COL5A2: variants seen among roughly 807,000 people sequenced by gnomAD.
The protein encoded by COL5A2 is collagen type V alpha 2 chain.
COL5A2 carries 23 observed loss-of-function variants against 208.2 expected under a neutral mutation model. That is an observed-to-expected ratio of 0.11 (90% confidence interval 0.08 to 0.16). The LOEUF is 0.16. Ranked by LOEUF, COL5A2 falls within the 10% of genes least tolerant of loss-of-function variation. The probability of loss-of-function intolerance (pLI) is 1.00; values close to 1 mark genes in which losing one functional copy is unlikely to be tolerated. For missense variants in COL5A2, 1,590 were observed against 1,956.4 expected (o/e 0.81, Z 3.53); for synonymous variants, 625 against 628.5 (o/e 0.99, Z 0.08).
intron 1 of COL5A2, among the ~76,000 whole-genome samples, chr2:189,191,163 C>CCAAAAAAAAAAAAAAAAAAAAA (rs748055610): frequency 2.8e-5 from 2 of 72,322 alleles, no homozygotes; most frequent in African/African-American, 8.4e-5. Flanking sequence ...AAAAAACAAA[C>CCAAAAAAAAAAAAAAAAAAAAA]AAACAACAAA....
At chr2:189,117,662 C>A (rs1687419459) in intron 1 of COL5A2, among the ~76,000 whole-genome samples, 1 of 152,076 alleles carries the variant, frequency 6.6e-6, no homozygotes, top group East Asian at 1.9e-4. Flanking sequence ...CTCTGGTCAC[C>A]TTACCAAAAA....
chr2:189,301,643 C>T, the COL5A2 span, among the ~76,000 whole-genome samples: 337 of 152,180 alleles, frequency 2.2e-3, 1 homozygote, highest in African/African-American at 7.4e-3. Context: ...TCTGGTTTTA[C>T]GGCATGAGTT....
At chr2:189,416,957 T>G in the COL5A2 span, among the ~76,000 whole-genome samples, 38 of 152,188 alleles carry the variant, frequency 2.5e-4, no homozygotes, top group Admixed American at 6.5e-5. Context: ...CTTAAACATT[T>G]TTTTTCTAAA....
the COL5A2 span, among the ~76,000 whole-genome samples, chr2:189,279,480 T>C: frequency 6.7e-6 from 1 of 149,638 alleles, no homozygotes; most frequent in East Asian, 2.0e-4. Context: ...TTGATATAGA[T>C]ATATACACAA....
At chr2:189,057,498 G>A in intron 33 of COL5A2, 71 bp from the exon 34 acceptor site, 1 of 1,135,656 alleles carries the variant, frequency 8.8e-7, no homozygotes, top group East Asian at 2.4e-5. Context: ...GCTTTTTAGT[G>A]GGTCAAAAGT....
rs777869389 is a variant in COL5A2 at position 189,034,070 on chromosome 2, T to G, written c.4500A>C (p.Ter1500TyrextTer14). ...CATTGTCGATGTGTCTTGGCTTACTTTACACAAAACAAACTGGCCCAATTT... is the reference window on the plus strand; with the variant it reads ...CATTGTCGATGTGTCTTGGCTTACTGTACACAAAACAAACTGGCCCAATTT... ...GVEIGPVCFV* is the reference protein window; with the variant it reads ...GVEIGPVCFVY Residue 1500 changes from the stop codon to tyrosine, a stop_lost, in exon 54 of 54, where the codon TAA becomes TAC. Transcript: ENST00000374866. The G allele has an allele frequency of 6.2e-7, 1 of 1,613,934 alleles. No homozygotes were observed. The highest frequency in any genetic ancestry group is 8.5e-7 in the Non-Finnish European group (1 of 1,179,868).
intron 1 of COL5A2, among the ~76,000 whole-genome samples, chr2:189,156,685 A>G (rs1374327548): frequency 6.6e-6 from 1 of 152,132 alleles, no homozygotes; most frequent in Non-Finnish European, 1.5e-5. Flanking sequence ...AGCCAAAAAT[A>G]TGTATTGACA....
At chr2:189,305,138 C>T in the COL5A2 span, among the ~76,000 whole-genome samples, 5 of 152,278 alleles carry the variant, frequency 3.3e-5, no homozygotes, top group East Asian at 9.6e-4. Context: ...CACATTGCTG[C>T]CAGAAATAAA....
At chr2:189,318,931 T>C in the COL5A2 span, among the ~76,000 whole-genome samples, 1 of 152,178 alleles carries the variant, frequency 6.6e-6, no homozygotes, top group African/African-American at 2.4e-5. Flanking sequence ...CTGATTAAGC[T>C]TAGTTTATTA....
chr2:189,365,159 T>A, the COL5A2 span, among the ~76,000 whole-genome samples: 1 of 152,226 alleles, frequency 6.6e-6, no homozygotes, highest in East Asian at 1.9e-4. Flanking sequence ...AAATATTCAC[T>A]TTCATCATTA....
At chr2:189,394,427 G>C in the COL5A2 span, among the ~76,000 whole-genome samples, 1 of 152,112 alleles carries the variant, frequency 6.6e-6, no homozygotes, top group Non-Finnish European at 1.5e-5. Context: ...AAGGGATTAG[G>C]TCATGAGAGT....
chr2:189,184,773 C>T (rs1277429876), upstream of COL5A2, among the ~76,000 whole-genome samples: 1 of 152,130 alleles, frequency 6.6e-6, no homozygotes. Flanking sequence ...AGGTAACATA[C>T]TCACAGGTTC....
At chr2:189,057,290 G>GAAATAAAAAAAAAAAAAA in intron 34 of COL5A2, 30 bp downstream of exon 34, 1 of 709,922 alleles carries the variant, frequency 1.4e-6, no homozygotes, top group East Asian at 3.1e-5. Flanking sequence ...TAAATGAACT[G>GAAATAAAAAAAAAAAAAA]AAAAAAAAAA....
the COL5A2 span, among the ~76,000 whole-genome samples, chr2:189,361,792 C>T: frequency 5.3e-5 from 8 of 151,820 alleles, no homozygotes; most frequent in South Asian, 8.3e-4. Context: ...GTATTTGCTT[C>T]GTGGTTACCA....
the COL5A2 span, among the ~76,000 whole-genome samples, chr2:189,430,179 T>C: frequency 2.6e-5 from 4 of 152,200 alleles, no homozygotes; most frequent in Non-Finnish European, 5.9e-5. Context: ...ATATCTTGAT[T>C]ATCCATAAAT....
the COL5A2 span, among the ~76,000 whole-genome samples, chr2:189,358,830 T>C: frequency 6.6e-6 from 1 of 151,628 alleles, no homozygotes; most frequent in East Asian, 1.9e-4. Context: ...TTTTTGTAGC[T>C]ATTATAAAAG....
the COL5A2 span, among the ~76,000 whole-genome samples, chr2:189,417,284 C>G: frequency 9.6e-4 from 146 of 152,190 alleles, 2 homozygotes; most frequent in African/African-American, 3.2e-3. Flanking sequence ...AATATGATTT[C>G]TTACAGAATT....
At chr2:189,093,490 T>C (rs892039682) in intron 6 of COL5A2, among the ~76,000 whole-genome samples, 8 of 152,090 alleles carry the variant, frequency 5.3e-5, no homozygotes, top group African/African-American at 1.7e-4. Context: ...GCTCAGGTGG[T>C]GGAGGTGGCA....
intron 1 of COL5A2, among the ~76,000 whole-genome samples, chr2:189,190,760 T>C (rs1688912813): frequency 6.6e-6 from 1 of 152,232 alleles, no homozygotes; most frequent in South Asian, 2.1e-4. Flanking sequence ...TGTGACTTAT[T>C]CATCCTAATA....
Sources: gnomAD v4.1 joint callset for allele counts (sites outside exome capture counted in the v4.1 genomes callset) on GRCh38, gnomAD v4.1.1 for gene constraint, MANE v1.5 for transcripts, NCBI Gene and HGNC (gene_info 2026-07-23, HGNC 2026-07-21) for gene names.